Variants in ADAM12 observed in about 807,000 individuals in gnomAD.
ADAM12 encodes the protein disintegrin and metalloproteinase domain-containing protein 12.
Under a neutral mutation model 106.4 loss-of-function variants are expected in ADAM12, and 70 were observed. That is an observed-to-expected ratio of 0.66 (90% CI 0.54 to 0.80). ADAM12 has a LOEUF of 0.80. Among genes scored for constraint, ADAM12 ranks in the 30% least tolerant of loss-of-function variants. The pLI, the probability that ADAM12 is intolerant of heterozygous loss-of-function variation, is 0.00. For synonymous variants in ADAM12, 420 were observed against 433.5 expected, an observed-to-expected ratio of 0.97 and a Z score of 0.39; for missense variants, 1,010 against 1,171.9, an observed-to-expected ratio of 0.86 and a Z score of 2.02.
At chr10:126,233,203 G>A (rs748266326) in intron 3 of ADAM12, among the ~76,000 whole-genome samples, 14 of 152,122 alleles carry the variant, frequency 9.2e-5, no homozygotes, top group Non-Finnish European at 1.3e-4. Context: ...GGCAGAACCC[G>A]GAGGGCACCA....
At chr10:126,041,468 T>C in intron 18 of ADAM12, 6 of 985,588 alleles carry the variant, frequency 6.1e-6, no homozygotes, top group Non-Finnish European at 7.2e-6. Context: ...GTGGGTTCCC[T>C]GGCTTTCTGC....
intron 1 of ADAM12, among the ~76,000 whole-genome samples, chr10:126,383,288 G>A (rs1336755355): frequency 1.3e-5 from 2 of 151,832 alleles, no homozygotes; most frequent in Non-Finnish European, 2.9e-5. Context: ...AGAAGGGTTG[G>A]GAAATGAAAT....
chr10:126,311,414 A>G (rs1961092023), intron 2 of ADAM12, among the ~76,000 whole-genome samples: 2 of 152,200 alleles, frequency 1.3e-5, no homozygotes, highest in Non-Finnish European at 2.9e-5. Flanking sequence ...CCTTTGTGGC[A>G]TAAGGAACAT....
intron 5 of ADAM12, among the ~76,000 whole-genome samples, chr10:126,126,423 C>T (rs993875862): frequency 8.6e-5 from 13 of 152,044 alleles, no homozygotes; most frequent in Non-Finnish European, 1.5e-4. Context: ...CTTTACACAC[C>T]CAGGGAATAG....
chr10:126,037,311 C>T (rs1187114857), intron 20 of ADAM12, among the ~76,000 whole-genome samples: 1 of 139,212 alleles, frequency 7.2e-6, no homozygotes, highest in Admixed American at 7.2e-5. Flanking sequence ...AATAGAGCTG[C>T]ATTTTTCTTT....
intron 2 of ADAM12, among the ~76,000 whole-genome samples, chr10:126,311,483 C>T (rs993277213): frequency 5.3e-5 from 8 of 151,894 alleles, no homozygotes; most frequent in East Asian, 1.9e-4. Context: ...TGTAATTTCT[C>T]GGGTGACAGG....
At chr10:126,326,105 T>A (rs1251898500) in intron 2 of ADAM12, among the ~76,000 whole-genome samples, 1 of 152,068 alleles carries the variant, frequency 6.6e-6, no homozygotes, top group African/African-American at 2.4e-5. Context: ...TTTACCTAAA[T>A]CAGCCGAATC....
chr10:126,315,074 G>C (rs562974432), intron 2 of ADAM12, among the ~76,000 whole-genome samples: 1 of 152,304 alleles, frequency 6.6e-6, no homozygotes, highest in East Asian at 1.9e-4. Context: ...AAACTCATTT[G>C]CCGTCATGGT....
intron 5 of ADAM12, among the ~76,000 whole-genome samples, chr10:126,119,996 T>C (rs1276364122): frequency 6.6e-6 from 1 of 152,220 alleles, no homozygotes; most frequent in Non-Finnish European, 1.5e-5. Context: ...AATTCCCATG[T>C]GTCTAGTACC....
intron 6 of ADAM12, 27 bp downstream of exon 6, chr10:126,118,010 GA>G (rs1956017912): frequency 6.2e-7 from 1 of 1,608,282 alleles, no homozygotes. Context: ...TAGCTTTCCA[GA>G]AACACAAAAT....
In ADAM12 at chr10:126,017,356, G is replaced by GAA; in HGVS notation, c.2661-19_2661-18dup. The GAA allele has an allele frequency of 1.3e-6, 2 of 1,543,100 alleles. No homozygotes were observed. Among genetic ancestry groups the GAA allele is most frequent in the Non-Finnish European group, 1.8e-6 (2 of 1,139,848 alleles). ...GGAGCAGGTCTGAATGAAGAGAGGA[G>GAA]AAAAAAAAATGATCAGAGACCTTGA... On this transcript the variant is annotated splice_polypyrimidine_tract_variant and intron_variant, in intron 22 of 22. Transcript: ENST00000448723.
chr10:126,121,130 A>AGTATATATAGTATATATAGTGT (rs369707256), intron 5 of ADAM12, among the ~76,000 whole-genome samples: 1 of 75,608 alleles, frequency 1.3e-5, no homozygotes, highest in Non-Finnish European at 2.2e-5. Flanking sequence ...TAGTATATAT[A>AGTATATATAGTATATATAGTGT]CTATATACTA....
At chr10:126,203,196 A>T (rs1322347784) in intron 3 of ADAM12, among the ~76,000 whole-genome samples, 3 of 152,232 alleles carry the variant, frequency 2.0e-5, no homozygotes, top group Non-Finnish European at 2.9e-5. Context: ...ATAACTAATC[A>T]GAGTGTACAT....
intron 4 of ADAM12, among the ~76,000 whole-genome samples, chr10:126,146,318 T>C (rs1451563002): frequency 6.6e-6 from 1 of 152,118 alleles, no homozygotes; most frequent in Non-Finnish European, 1.5e-5. Flanking sequence ...GTTAGGTATG[T>C]GTGGAGTACA....
intron 3 of ADAM12, among the ~76,000 whole-genome samples, chr10:126,198,493 T>C (rs1217935722): frequency 1.3e-5 from 2 of 152,218 alleles, no homozygotes; most frequent in African/African-American, 4.8e-5. Flanking sequence ...ATATTTGCTA[T>C]CTGGTTTGTG....
At chr10:126,079,107 G>A (rs955018382) in intron 11 of ADAM12, among the ~76,000 whole-genome samples, 1 of 152,144 alleles carries the variant, frequency 6.6e-6, no homozygotes, top group Non-Finnish European at 1.5e-5. Context: ...AAAACTCAAG[G>A]TAGGGGCCTA....
chr10:126,017,102 G>C lies in ADAM12; in HGVS notation c.*177C>G, dbSNP rs1227036429. 1 of 559,680 alleles carries C rather than the reference G, an allele frequency of 1.8e-6. No individual in the cohort carries two copies. The highest frequency in any genetic ancestry group is 1.9e-5 in the African/African-American group (1 of 52,736). 34.7% of individuals were successfully genotyped at this position (559,680 alleles called of 1,614,324 possible). A position where few individuals can be genotyped will look rare whatever the true frequency, so the allele number is the denominator to read the frequency against. On this transcript the variant is annotated 3_prime_UTR_variant, in exon 23 of 23. Coordinates refer to ENST00000448723, the MANE Select transcript of ADAM12 (RefSeq NM_001288973.2). ...AAATTAATAATTTACAAGTACCTGAGCAAGTAGACAGAGCACCATAGCACA... is the reference window on the plus strand; with the variant it reads ...AAATTAATAATTTACAAGTACCTGACCAAGTAGACAGAGCACCATAGCACA...
intron 3 of ADAM12, among the ~76,000 whole-genome samples, chr10:126,219,962 T>C (rs150556004): frequency 6.6e-6 from 1 of 152,252 alleles, no homozygotes; most frequent in African/African-American, 2.4e-5. Flanking sequence ...ATGGAACCAA[T>C]GGGGAGACAG....
intron 20 of ADAM12, among the ~76,000 whole-genome samples, chr10:126,036,625 TAAAG>T (rs1323508241): frequency 1.3e-5 from 2 of 152,016 alleles, no homozygotes; most frequent in Non-Finnish European, 2.9e-5. Context: ...GTACCAAGTA[TAAAG>T]AAAGACACGG....
Sources: gnomAD v4.1 joint callset for allele counts (sites outside exome capture counted in the v4.1 genomes callset) on GRCh38, gnomAD v4.1.1 for gene constraint, MANE v1.5 for transcripts, NCBI Gene and HGNC (gene_info 2026-07-23, HGNC 2026-07-21) for gene names.